NLRP7: variants seen among roughly 807,000 people sequenced by gnomAD.
NLRP7 encodes the protein NLR family pyrin domain containing 7, also known as NACHT, LRR and PYD domains-containing protein 7.
In NLRP7, 72 loss-of-function variants were observed where a neutral mutation model predicts 85.5. The observed-to-expected ratio is 0.84, with a 90% CI of 0.70 to 1.02. The LOEUF (loss-of-function observed/expected upper bound fraction) is 1.02. NLRP7 is among the 50% of genes least tolerant of loss of function. The probability of loss-of-function intolerance (pLI) is 0.00; values close to 1 mark genes in which losing one functional copy is unlikely to be tolerated. For synonymous variants in NLRP7, 550 were observed against 505.2 expected (o/e 1.09, Z -1.19); for missense variants, 1,243 against 1,219.5 (o/e 1.02, Z -0.29).
chr19:54,924,636 T>A (rs1409380721), intron 9 of NLRP7, among the ~76,000 whole-genome samples: 1 of 151,584 alleles, frequency 6.6e-6, no homozygotes, highest in Non-Finnish European at 1.5e-5. Context: ...AAAATAAATT[T>A]AAAAAATAGA....
chr19:54,940,146 C>G (rs2069155625), exon 4 of NLRP7: 2 of 1,614,094 alleles, frequency 1.2e-6, no homozygotes, highest in Non-Finnish European at 1.7e-6. Context: ...GAGATCAGCT[C>G]TGCAAAACTG....
intron 7 of NLRP7, 108 bp from the exon 8 acceptor site, chr19:54,933,847 A>G (rs1468975305): frequency 7.3e-6 from 7 of 959,856 alleles, no homozygotes; most frequent in Non-Finnish European, 1.2e-5. Context: ...CTTCCTGTTC[A>G]TCCCCTGCCC....
At chr19:54,964,438 G>C (rs1390254843) in intron 1 of NLRP7, among the ~76,000 whole-genome samples, 2 of 150,936 alleles carry the variant, frequency 1.3e-5, no homozygotes, top group East Asian at 3.9e-4. Context: ...GGATGGTCTC[G>C]ATCTCCTGAC....
intron 1 of NLRP7, among the ~76,000 whole-genome samples, chr19:54,962,041 T>C (rs1165541045): frequency 6.8e-6 from 1 of 146,834 alleles, no homozygotes; most frequent in Non-Finnish European, 1.5e-5. Flanking sequence ...TACATGCCTG[T>C]AATCCCAGCT....
intron 9 of NLRP7, 92 bp downstream of exon 10, chr19:54,927,513 G>A (rs142526814): frequency 6.5e-5 from 83 of 1,279,622 alleles, no homozygotes; most frequent in African/African-American, 2.2e-4. Flanking sequence ...CCAAGATTGC[G>A]CCACTGCACT....
intron 1 of NLRP7, among the ~76,000 whole-genome samples, chr19:54,960,623 T>C (rs551381385): frequency 6.6e-6 from 1 of 151,668 alleles, no homozygotes; most frequent in Non-Finnish European, 1.5e-5. Context: ...TGAGATGGAG[T>C]CTTGCTCTGT....
chr19:54,933,551 C>G lies in NLRP7; in HGVS notation c.2642+18G>C, dbSNP rs1323097853. ...TTGAATTCATGTGCACACACACACA[C>G]ACCCAGCAGGGACTTACACCAAGGT... On this transcript the variant is annotated intron_variant, in intron 8 of 9. Transcript: ENST00000340844. The G allele has an allele frequency of 6.2e-7, 1 of 1,613,824 alleles. No individual in the cohort carries two copies.
intron 1 of NLRP7, among the ~76,000 whole-genome samples, chr19:54,952,953 C>T (rs568665004): frequency 1.3e-5 from 2 of 152,012 alleles, no homozygotes; most frequent in South Asian, 2.1e-4. Context: ...CTGGCCAACA[C>T]GGTGAAACCC....
exon 4 of NLRP7, chr19:54,939,648 T>A: frequency 1.2e-6 from 2 of 1,611,618 alleles, no homozygotes; most frequent in Non-Finnish European, 1.7e-6. Context: ...AACAGCCCCG[T>A]GCGGGTGAGG....
chr19:54,938,241 C>G, exon 5 of NLRP7: 1 of 1,613,706 alleles, frequency 6.2e-7, no homozygotes, highest in East Asian at 2.2e-5. Context: ...GGTAAGTGCA[C>G]CTGCAGGAGA....
chr19:54,939,469 G>A (rs752963683), exon 4 of NLRP7: 60 of 1,613,782 alleles, frequency 3.7e-5, no homozygotes, highest in South Asian at 6.6e-5. Flanking sequence ...GGATGTCTCC[G>A]TCCAGGAACA....
chr19:54,939,020 T>C, exon 4 of NLRP7: 1 of 1,614,174 alleles, frequency 6.2e-7, no homozygotes, highest in Non-Finnish European at 8.5e-7. Context: ...TTCAGAAGTA[T>C]TTGTCAGGTG....
intron 1 of NLRP7, among the ~76,000 whole-genome samples, chr19:54,952,593 C>CAAA (rs766921015): frequency 8.0e-6 from 1 of 125,628 alleles, no homozygotes. Context: ...AACTCCATCT[C>CAAA]AAAAAAAAAA....
At chr19:54,946,724 C>A (rs1184481153) in intron 1 of NLRP7, among the ~76,000 whole-genome samples, 1 of 152,056 alleles carries the variant, frequency 6.6e-6, no homozygotes, top group African/African-American at 2.4e-5. Flanking sequence ...ATTGCAACCT[C>A]CCCCTCCTAG....
At position 54,934,890 on chromosome 19, in the gene NLRP7, T is replaced by G. The variant is rs768825867; in HGVS notation, c.2301-231A>C. Among the ~76,000 whole-genome samples, 1 of 152,176 alleles carries G rather than the reference T, an allele frequency of 6.6e-6. No individual in the cohort carries two copies. The highest frequency in any genetic ancestry group is 2.4e-5 in the African/African-American group (1 of 41,538). On this transcript the variant is annotated intron_variant, in intron 6 of 9. Transcript: ENST00000340844. This position sits in a 1 kb window ranked among gnomAD's most constrained non-coding sequence, Gnocchi z 6.7. ...TTTTGTATTTTTAGTAGAGACGGGA[T>G]TTCACCATGTTGGCCACACTGGTCT... is the stretch of plus-strand genomic sequence containing the variant.
chr19:54,942,122 G>A (rs1400277869), intron 1 of NLRP7, among the ~76,000 whole-genome samples: 1 of 152,020 alleles, frequency 6.6e-6, no homozygotes, highest in African/African-American at 2.4e-5. Flanking sequence ...AGGGCGTGGT[G>A]GCGGGCACCT....
At chr19:54,957,932 G>A (rs1463652793) in intron 1 of NLRP7, among the ~76,000 whole-genome samples, 2 of 152,046 alleles carry the variant, frequency 1.3e-5, no homozygotes, top group Non-Finnish European at 2.9e-5. Flanking sequence ...AGATGGGGAG[G>A]GGGCCGGGCA....
rs1034060161 is a variant in NLRP7, at chr19:54,940,919, G to A, written c.352+12C>T. Reference sequence around the variant, plus strand: ...ACACCAAACTCATGACCATAGGACCGTATTTACCCACCTGGCTTTGCTAAC... The same window carrying A: ...ACACCAAACTCATGACCATAGGACCATATTTACCCACCTGGCTTTGCTAAC... On this transcript the variant is annotated intron_variant, in intron 3 of 9. Coordinates refer to ENST00000340844, the Ensembl canonical transcript of NLRP7. 7.7e-6 allele frequency: 12 copies of A among 1,549,640 alleles called. No homozygotes were observed. The highest frequency in any genetic ancestry group is 1.7e-4 in the Middle Eastern group (1 of 5,956).
In NLRP7 at chr19:54,934,592, A is replaced by G. The variant is rs748396899; in HGVS notation, c.2368T>C (p.Ser790Pro). 1 of 1,614,042 alleles carries G rather than the reference A, an allele frequency of 6.2e-7. No homozygotes were observed. The highest frequency in any genetic ancestry group is 1.1e-5 in the South Asian group (1 of 91,074). The change falls in exon 7 of 10, where the codon TCC becomes CCC. Residue 790 changes from serine to proline, a missense_variant. Ser to Pro is a moderately conservative substitution (Grantham distance 74). Around this residue, in one of 3 missense-constraint regions of NLRP7, gnomAD observed 613 missense variants for 588.4 expected, o/e 1.04. Coordinates refer to ENST00000340844, the Ensembl canonical transcript of NLRP7. This position sits in a 1 kb window ranked among gnomAD's most constrained non-coding sequence, Gnocchi z 6.7. ...GCTGAGAGACGCAGGTGCTTCAGGG[A>G]CTGGTTGGCTTTGAGGACATAGAAG...
Sources: allele counts gnomAD v4.1 joint callset (sites outside exome capture counted in the v4.1 genomes callset), GRCh38; gene constraint gnomAD v4.1.1; regional missense constraint gnomAD v4.1.1; non-coding constraint Gnocchi (gnomAD v3.1); transcripts MANE v1.5; gene names NCBI Gene and HGNC (gene_info 2026-07-23, HGNC 2026-07-21).